STXBP4: variants seen among roughly 807,000 people sequenced by gnomAD.
The protein encoded by STXBP4 is syntaxin-binding protein 4.
In STXBP4, 55 loss-of-function variants were observed where a neutral mutation model predicts 76.1. The ratio of observed to expected loss-of-function variants is 0.72; its 90% CI spans 0.58 to 0.91. STXBP4 has a LOEUF of 0.91. Among genes scored for constraint, STXBP4 ranks in the 40% least tolerant of loss-of-function variants. The pLI, the probability that STXBP4 is intolerant of heterozygous loss-of-function variation, is 0.00. For missense variants in STXBP4, 618 were observed against 636.9 expected (o/e 0.97, Z 0.32); for synonymous variants, 201 against 220.2 (o/e 0.91, Z 0.77).
downstream of STXBP4, among the ~76,000 whole-genome samples, chr17:55,177,750 A>C (rs1169838764): frequency 6.6e-6 from 1 of 152,198 alleles, no homozygotes; most frequent in Non-Finnish European, 1.5e-5. Flanking sequence ...CAGAGGGGAA[A>C]ACTAAATCAA....
At chr17:55,057,348 A>G (rs568840616) in intron 12 of STXBP4, among the ~76,000 whole-genome samples, 19 of 152,350 alleles carry the variant, frequency 1.2e-4, no homozygotes, top group African/African-American at 4.1e-4. Context: ...TAACAGTTTT[A>G]TAAACTACTG....
chr17:55,168,429 G>C lies in STXBP4; in HGVS notation c.*8518G>C, dbSNP rs1045939870. ...TTCCAATTAAGACTGTTCATTGATT[G>C]TATTTCTTCTGTCTCTATAAGTACC... is the stretch of plus-strand genomic sequence containing the variant. On this transcript the variant is annotated 3_prime_UTR_variant, in exon 18 of 18. Coordinates refer to ENST00000376352, the MANE Select transcript of STXBP4 (RefSeq NM_178509.6). 2 of 151,966 alleles carry C rather than the reference G, an allele frequency of 1.3e-5. No individual in the cohort carries two copies. Among genetic ancestry groups the C allele is most frequent in the African/African-American group, 4.8e-5 (2 of 41,394 alleles). 9.4% of individuals were successfully genotyped at this position (151,966 alleles called of 1,614,324 possible). A position where few individuals can be genotyped will look rare whatever the true frequency, so the allele number is the denominator to read the frequency against.
chr17:55,071,265 G>A (rs748730474), intron 12 of STXBP4, among the ~76,000 whole-genome samples: 3 of 151,934 alleles, frequency 2.0e-5, no homozygotes, highest in Admixed American at 6.6e-5. Context: ...TCCTTGCAAC[G>A]GCCTACAAAT....
At chr17:55,194,063 C>CA in the STXBP4 span, among the ~76,000 whole-genome samples, 1 of 152,050 alleles carries the variant, frequency 6.6e-6, no homozygotes, top group Non-Finnish European at 1.5e-5. Context: ...TCTGATGCTC[C>CA]AGACATTTCA....
At position 54,985,599 on chromosome 17, in the gene STXBP4, T is replaced by C. The variant is rs2077615409; in HGVS notation, c.-156-15T>C. The C allele has an allele frequency of 6.6e-6, 1 of 152,258 alleles. No homozygotes were observed. Among genetic ancestry groups the C allele is most frequent in the Non-Finnish European group, 1.5e-5 (1 of 68,048 alleles). 9.4% of individuals were successfully genotyped at this position (152,258 alleles called of 1,614,324 possible). ...CAATATAAGACATTAAAAGCATATT[T>C]TTTTCTCTTCATAGGAAAGCCATTT... On this transcript the variant is annotated splice_polypyrimidine_tract_variant and intron_variant, in intron 1 of 17. Transcript: ENST00000376352.
chr17:55,054,683 T>A (rs1454902609), intron 12 of STXBP4, among the ~76,000 whole-genome samples: 1 of 152,114 alleles, frequency 6.6e-6, no homozygotes, highest in Admixed American at 6.5e-5. Context: ...TCCTTCACAA[T>A]AACATTAGAG....
At chr17:55,204,732 C>A in the STXBP4 span, among the ~76,000 whole-genome samples, 1 of 151,800 alleles carries the variant, frequency 6.6e-6, no homozygotes, top group African/African-American at 2.4e-5. Context: ...TTGGGCTCAA[C>A]TATATGAACC....
In STXBP4 at chr17:55,039,342, C is replaced by G. The variant is rs530984615; in HGVS notation, c.856-3894C>G. ...GAACGTAATGCACACAGAGAGTAGT[C>G]TACTTAAAAAAAAAAAGATAATTGG... On this transcript the variant is annotated intron_variant, in intron 10 of 17. Transcript: ENST00000376352. 5.7e-4 allele frequency among the ~76,000 whole-genome samples: 39 copies of G among 68,028 alleles called. 1 individual carries two copies. In the East Asian group the frequency reaches 0.022, roughly 38 times the overall value. The allele number at this position is 68,028 out of a possible 152,430, so 44.6% of individuals were successfully genotyped here. A position where few individuals can be genotyped will look rare whatever the true frequency, so the allele number is the denominator to read the frequency against.
At chr17:55,027,345 G>C (rs570905802) in intron 8 of STXBP4, among the ~76,000 whole-genome samples, 2 of 152,266 alleles carry the variant, frequency 1.3e-5, no homozygotes, top group Non-Finnish European at 2.9e-5. Context: ...CAAGATACTA[G>C]AGTACGTCCC....
chr17:55,005,932 G>T (rs928934098), intron 7 of STXBP4, among the ~76,000 whole-genome samples: 6 of 151,750 alleles, frequency 4.0e-5, no homozygotes, highest in Admixed American at 3.9e-4. Flanking sequence ...AAAATTATAT[G>T]TATGTATATA....
chr17:55,148,209 A>C (rs2080177983), intron 17 of STXBP4, among the ~76,000 whole-genome samples: 1 of 152,256 alleles, frequency 6.6e-6, no homozygotes, highest in Non-Finnish European at 1.5e-5. Flanking sequence ...ACAGCCAGTT[A>C]GTTTGTTTGC....
intron 12 of STXBP4, among the ~76,000 whole-genome samples, chr17:55,051,439 T>TTTTTG (rs879701841): frequency 3.7e-4 from 57 of 152,252 alleles, no homozygotes; most frequent in Admixed American, 3.9e-4. Flanking sequence ...CCTAAACCTT[T>TTTTTG]TTTTGTTTTG....
chr17:55,204,387 T>C, the STXBP4 span, among the ~76,000 whole-genome samples: 1 of 152,188 alleles, frequency 6.6e-6, no homozygotes, highest in Non-Finnish European at 1.5e-5. Flanking sequence ...AACTCTAACA[T>C]ATAGATTACT....
At chr17:55,026,197 T>C (rs1373256336) in intron 8 of STXBP4, among the ~76,000 whole-genome samples, 1 of 152,238 alleles carries the variant, frequency 6.6e-6, no homozygotes, top group Non-Finnish European at 1.5e-5. Flanking sequence ...CACGTCGGTA[T>C]ACAGATTTAA....
intron 16 of STXBP4, among the ~76,000 whole-genome samples, chr17:55,100,026 G>T (rs931831034): frequency 6.6e-6 from 1 of 152,152 alleles, no homozygotes; most frequent in Admixed American, 6.5e-5. Context: ...GATGAAAAAA[G>T]GGAGAAACTA....
chr17:55,188,047 A>G, the STXBP4 span, among the ~76,000 whole-genome samples: 1 of 152,304 alleles, frequency 6.6e-6, no homozygotes, highest in South Asian at 2.1e-4. Context: ...CACCTTAGAG[A>G]GGTTATGCAA....
intron 16 of STXBP4, among the ~76,000 whole-genome samples, chr17:55,083,982 C>G (rs1249434800): frequency 6.6e-6 from 1 of 152,172 alleles, no homozygotes; most frequent in African/African-American, 2.4e-5. Flanking sequence ...TTGTGGCCAT[C>G]TTTGGAGAAT....
In STXBP4 at chr17:55,163,114, A is replaced by G. The variant is rs1004242149; in HGVS notation, c.*3203A>G. On this transcript the variant is annotated 3_prime_UTR_variant, in exon 18 of 18. Transcript: ENST00000376352. ...TTTGGTACATATCCATAAATTCTCC[A>G]TAAAAGTAGGACCAACTTACATTAC... The G allele has an allele frequency of 6.6e-6, 1 of 152,130 alleles. No individual in the cohort carries two copies. The highest frequency in any genetic ancestry group is 1.5e-5 in the Non-Finnish European group (1 of 68,040). The allele number at this position is 152,130 out of a possible 1,614,324, so 9.4% of individuals were successfully genotyped here.
chr17:55,087,718 C>T (rs1057464360), intron 16 of STXBP4, among the ~76,000 whole-genome samples: 2 of 151,968 alleles, frequency 1.3e-5, no homozygotes, highest in African/African-American at 4.8e-5. Flanking sequence ...TGCTTTGGCT[C>T]TTCAGGGTCT....
Sources: allele counts gnomAD v4.1 joint callset (sites outside exome capture counted in the v4.1 genomes callset), GRCh38; gene constraint gnomAD v4.1.1; transcripts MANE v1.5; gene names NCBI Gene and HGNC (gene_info 2026-07-23, HGNC 2026-07-21).